Variants in KIAA1671 observed in about 807,000 individuals in gnomAD.
KIAA1671 encodes KIAA1671.
In KIAA1671, 52 loss-of-function variants were observed where a neutral mutation model predicts 131.2. That is an observed-to-expected ratio of 0.40 (90% CI 0.32 to 0.50). KIAA1671 has a LOEUF of 0.50. Ranked by LOEUF, KIAA1671 falls within the 20% of genes least tolerant of loss-of-function variation. KIAA1671 has a pLI of 0.73. For missense variants in KIAA1671, 2,360 were observed against 2,364.2 expected, an observed-to-expected ratio of 1.00 and a Z score of 0.04; for synonymous variants, 1,003 against 961.6, an observed-to-expected ratio of 1.04 and a Z score of -0.80.
rs1409577459 is a variant in KIAA1671, at chr22:25,039,409, G to T, written c.2279G>T (p.Arg760Leu). 18 of 1,551,638 alleles carry T rather than the reference G, an allele frequency of 1.2e-5. No homozygotes were observed. Among genetic ancestry groups the T allele is most frequent in the African/African-American group, 2.7e-5 (2 of 73,056 alleles). The change falls in exon 5 of 13, where the codon CGC (arginine) becomes CTC (leucine). Residue 760 changes from arginine to leucine, a missense_variant. Around this residue, in one of 3 missense-constraint regions of KIAA1671, gnomAD observed 1,185 missense variants for 1,126.2 expected, o/e 1.05. Transcript: ENST00000358431. ...CCGGAGGAGAAAGCGGTCACGCTCC[G>T]CAGCCTCAGGTCTTGGCTCTCACTG... ...PAPEEKAVTL[R>L]SLRSWLSLKD...
intron 6 of KIAA1671, among the ~76,000 whole-genome samples, chr22:25,114,902 A>T (rs1931577497): frequency 6.6e-6 from 1 of 152,132 alleles, no homozygotes; most frequent in South Asian, 2.1e-4. Flanking sequence ...AGTCTTTCTG[A>T]CCTTGTACAT....
intron 1 of KIAA1671, chr22:25,010,795 C>CATA (rs1924993323): frequency 6.6e-6 from 1 of 152,156 alleles, no homozygotes; most frequent in Non-Finnish European, 1.5e-5. Flanking sequence ...TTATTTTTCA[C>CATA]ATAAAAAATC....
intron 6 of KIAA1671, among the ~76,000 whole-genome samples, chr22:25,103,742 G>A (rs1319245992): frequency 6.6e-6 from 1 of 152,112 alleles, no homozygotes; most frequent in African/African-American, 2.4e-5. Context: ...TCCGCCCATC[G>A]CGGTCTCCCA....
At chr22:24,957,671 C>CTTT (rs886130979) in intron 1 of KIAA1671, among the ~76,000 whole-genome samples, 5,191 of 100,168 alleles carry the variant, frequency 0.052, 335 homozygotes, top group African/African-American at 0.16. Flanking sequence ...TCTTTTGTTC[C>CTTT]TTTTTTTTTT....
At chr22:25,101,849 G>A (rs1930694842) in intron 6 of KIAA1671, among the ~76,000 whole-genome samples, 1 of 152,136 alleles carries the variant, frequency 6.6e-6, no homozygotes, top group Admixed American at 6.5e-5. Context: ...CACAGGCTCG[G>A]GACCTGGAGG....
chr22:25,000,391 C>T lies in KIAA1671; in HGVS notation c.-207-25242C>T, dbSNP rs1321219578. On this transcript the variant is annotated intron_variant, in intron 1 of 12. Transcript: ENST00000358431. ...TGTATTTTTAGTAGAGACGGGGTTT[C>T]ACCGTTTTAGCCGGGATGGTCTCGA... 1.0e-4 allele frequency among the ~76,000 whole-genome samples: 10 copies of T among 98,524 alleles called. No individual in the cohort carries two copies. The South Asian group carries it at 1.5e-3, about 15-fold the overall frequency. The allele number at this position is 98,524 out of a possible 152,430, so 64.6% of individuals were successfully genotyped here.
intron 6 of KIAA1671, among the ~76,000 whole-genome samples, chr22:25,144,115 A>G (rs1932843287): frequency 6.6e-6 from 1 of 152,218 alleles, no homozygotes; most frequent in Admixed American, 6.5e-5. Flanking sequence ...TGTAAGAAAC[A>G]CATGTGTTCT....
At chr22:25,190,177 C>T (rs768263487) in intron 11 of KIAA1671, among the ~76,000 whole-genome samples, 1 of 152,114 alleles carries the variant, frequency 6.6e-6, no homozygotes, top group Non-Finnish European at 1.5e-5. Flanking sequence ...GCTTGTTTTT[C>T]TGCAACTAGA....
chr22:25,065,920 T>G (rs1255073091), intron 6 of KIAA1671, among the ~76,000 whole-genome samples: 3 of 152,298 alleles, frequency 2.0e-5, no homozygotes, highest in East Asian at 3.9e-4. Flanking sequence ...ATTACAAGTG[T>G]GAGCCACTGC....
At chr22:25,101,979 G>A (rs1024702677) in intron 6 of KIAA1671, among the ~76,000 whole-genome samples, 2 of 152,190 alleles carry the variant, frequency 1.3e-5, no homozygotes, top group African/African-American at 4.8e-5. Flanking sequence ...GGAAACGGGA[G>A]GTGTCTCAGA....
intron 9 of KIAA1671, among the ~76,000 whole-genome samples, chr22:25,178,309 G>C (rs1474871483): frequency 6.6e-6 from 1 of 152,208 alleles, no homozygotes; most frequent in East Asian, 1.9e-4. Flanking sequence ...AGTGGGAAGG[G>C]TGTGGGGGCT....
intron 5 of KIAA1671, among the ~76,000 whole-genome samples, chr22:25,046,563 C>A (rs1049170943): frequency 3.3e-5 from 5 of 151,428 alleles, no homozygotes; most frequent in African/African-American, 7.4e-5. Context: ...CACATGGCTC[C>A]ACTCCAAAAA....
intron 1 of KIAA1671, among the ~76,000 whole-genome samples, chr22:25,020,286 G>A (rs1925591865): frequency 2.0e-5 from 3 of 152,164 alleles, no homozygotes; most frequent in African/African-American, 7.2e-5. Context: ...AGATGAATGA[G>A]AGAAGGCACA....
intron 10 of KIAA1671, 132 bp from the exon 11 acceptor site, chr22:25,184,845 C>T: frequency 1.1e-6 from 1 of 948,304 alleles, no homozygotes; most frequent in Non-Finnish European, 1.6e-6. Flanking sequence ...CCCATGTTTC[C>T]TGTCTGGGTT....
chr22:24,967,843 T>A (rs2235979), intron 1 of KIAA1671, among the ~76,000 whole-genome samples: 64,307 of 151,664 alleles, frequency 0.42, 15,846 homozygotes, highest in East Asian at 0.75. Flanking sequence ...AATACAAAAA[T>A]TTAGCCGGGC....
intron 6 of KIAA1671, chr22:25,053,838 T>C (rs1927684652): frequency 6.6e-6 from 1 of 152,140 alleles, no homozygotes; most frequent in Non-Finnish European, 1.5e-5. Flanking sequence ...CTGCATGTGG[T>C]AAGTGCTATG....
intron 1 of KIAA1671, among the ~76,000 whole-genome samples, chr22:24,962,274 A>T (rs1343883254): frequency 6.6e-6 from 1 of 152,160 alleles, no homozygotes; most frequent in African/African-American, 2.4e-5. Context: ...GCCTCATCAC[A>T]TCCCTCAGCC....
intron 8 of KIAA1671, chr22:25,175,572 A>ATATATTCAG (rs1485030367): frequency 6.6e-6 from 1 of 152,184 alleles, no homozygotes; most frequent in African/African-American, 2.4e-5. Context: ...TAGTTAGGTG[A>ATATATTCAG]TATATTCAGT....
At chr22:24,961,084 C>T (rs1245374559) in intron 1 of KIAA1671, among the ~76,000 whole-genome samples, 1 of 152,216 alleles carries the variant, frequency 6.6e-6, no homozygotes, top group Non-Finnish European at 1.5e-5. Context: ...TCTCAGTTCA[C>T]TGCAGTCTCA....
Sources: allele counts gnomAD v4.1 joint callset (sites outside exome capture counted in the v4.1 genomes callset), GRCh38; gene constraint gnomAD v4.1.1; regional missense constraint gnomAD v4.1.1; transcripts MANE v1.5; gene names NCBI Gene and HGNC (gene_info 2026-07-23, HGNC 2026-07-21).